The following COL22A1 variants were observed in gnomAD, a reference collection of about 807,000 sequenced individuals.
COL22A1 encodes the protein collagen type XXII alpha 1 chain.
In COL22A1, 221 loss-of-function variants were observed where a neutral mutation model predicts 248.9. The ratio of observed to expected loss-of-function variants is 0.89; its 90% CI spans 0.80 to 0.99. The LOEUF is 0.99. Ranked by LOEUF, COL22A1 falls within the 50% of genes least tolerant of loss-of-function variation. COL22A1 has a pLI of 0.00. For missense variants in COL22A1, 2,240 were observed against 2,179.0 expected (o/e 1.03, Z -0.56); for synonymous variants, 891 against 793.4 (o/e 1.12, Z -2.07).
chr8:138,591,633 C>G, intron 63 of COL22A1, 132 bp from the exon 64 acceptor site: 1 of 547,722 alleles, frequency 1.8e-6, no homozygotes. Flanking sequence ...ACCCTGAGCA[C>G]ACACACTCAT....
chr8:138,724,822 G>C, intron 24 of COL22A1, among the ~76,000 whole-genome samples, 154 bp from the exon 25 acceptor site: 1 of 152,264 alleles, frequency 6.6e-6, no homozygotes, highest in Admixed American at 6.5e-5. Context: ...GAAACGCGGA[G>C]TTGTTGCACC....
intron 29 of COL22A1, 100 bp from the exon 30 acceptor site, chr8:138,715,835 G>A (rs1167485890): frequency 1.2e-6 from 1 of 850,538 alleles, no homozygotes; most frequent in Non-Finnish European, 1.9e-6. Context: ...AAACATACAT[G>A]TATATATTTC....
intron 3 of COL22A1, among the ~76,000 whole-genome samples, chr8:138,867,714 G>A (rs140726191): frequency 2.8e-3 from 420 of 152,280 alleles, no homozygotes; most frequent in Non-Finnish European, 4.9e-3. Context: ...TTTTATGTGC[G>A]TGTTCCCTCT....
chr8:138,766,822 C>T (rs984239628), intron 16 of COL22A1, among the ~76,000 whole-genome samples: 2 of 152,220 alleles, frequency 1.3e-5, no homozygotes, highest in Non-Finnish European at 2.9e-5. Context: ...TGGGCCCATC[C>T]TGAGGCCACA....
intron 9 of COL22A1, among the ~76,000 whole-genome samples, chr8:138,809,770 G>A (rs1360857977): frequency 2.0e-5 from 3 of 151,716 alleles, no homozygotes; most frequent in African/African-American, 2.4e-5. Context: ...TGCCTGCCTC[G>A]GCCTCCCAAA....
intron 7 of COL22A1, among the ~76,000 whole-genome samples, chr8:138,817,443 G>A (rs1348536123): frequency 6.6e-6 from 1 of 152,190 alleles, no homozygotes; most frequent in Admixed American, 6.5e-5. Context: ...ACTGTCTCTG[G>A]TAGAGACGGA....
chr8:138,737,464 T>G, intron 23 of COL22A1, 60 bp downstream of exon 23: 2 of 1,219,834 alleles, frequency 1.6e-6, no homozygotes, highest in Non-Finnish European at 2.4e-6. Context: ...TGCTGCCTGG[T>G]CATTTATTTA....
chr8:138,805,508 GGTGT>G (rs1817478224), intron 10 of COL22A1, among the ~76,000 whole-genome samples: 1 of 128,352 alleles, frequency 7.8e-6, no homozygotes, highest in African/African-American at 3.6e-5. Context: ...TGTGTGTGAT[GGTGT>G]GTGTGTATAT....
rs1432967006 is a variant in COL22A1 at position 138,805,417 on chromosome 8, G to A, written c.1494+2351C>T. Among the ~76,000 whole-genome samples the A allele has an allele frequency of 2.7e-5, 4 of 145,620 alleles. No individual in the cohort carries two copies. The East Asian group carries it at 8.5e-4, about 31-fold the overall frequency. On this transcript the variant is annotated intron_variant, in intron 10 of 64. Coordinates refer to ENST00000303045, the MANE Select transcript of COL22A1 (RefSeq NM_152888.3). ...ATGGTATGTGTGATAGTGTGTAAAG[G>A]TTGTGTATGGTGGTGTGGGATGGTG...
intron 2 of COL22A1, among the ~76,000 whole-genome samples, chr8:138,880,877 A>G (rs1403906890): frequency 6.6e-6 from 1 of 152,230 alleles, no homozygotes; most frequent in Non-Finnish European, 1.5e-5. Context: ...TTTGAAGGCT[A>G]CAGAAGTTTC....
At chr8:138,676,970 T>G (rs951940264) in intron 40 of COL22A1, among the ~76,000 whole-genome samples, 6 of 152,246 alleles carry the variant, frequency 3.9e-5, no homozygotes, top group Non-Finnish European at 8.8e-5. Context: ...CATCAGACCC[T>G]CATCCTAACT....
At chr8:138,649,103 A>G (rs914723350) in intron 46 of COL22A1, among the ~76,000 whole-genome samples, 3 of 152,252 alleles carry the variant, frequency 2.0e-5, no homozygotes, top group African/African-American at 7.2e-5. Context: ...CCCAGCACCC[A>G]TGAAACTCCC....
chr8:138,827,128 C>A (rs755690937), intron 5 of COL22A1: 14 of 282,338 alleles, frequency 5.0e-5, no homozygotes, highest in Non-Finnish European at 9.1e-5. Context: ...CACCCAGCTT[C>A]GCTGCTCCCT....
At chr8:138,841,863 G>A (rs1820907942) in intron 4 of COL22A1, among the ~76,000 whole-genome samples, 1 of 152,340 alleles carries the variant, frequency 6.6e-6, no homozygotes, top group Admixed American at 6.5e-5. Context: ...ATGTCTGGGA[G>A]TGGCCAGTCC....
chr8:138,711,599 C>G lies in COL22A1; in HGVS notation c.2517+4083G>C, dbSNP rs1016216850. ...GCCTGAATGGCTTACTGAGGCAGAGCCTTTTCCACTCTGGGCTCTCTATTT... is the reference window on the plus strand; with the variant it reads ...GCCTGAATGGCTTACTGAGGCAGAGGCTTTTCCACTCTGGGCTCTCTATTT... On this transcript the variant is annotated intron_variant, in intron 30 of 64. Coordinates refer to ENST00000303045, the MANE Select transcript of COL22A1 (RefSeq NM_152888.3). 5.5e-4 allele frequency among the ~76,000 whole-genome samples: 84 copies of G among 152,190 alleles called. 2 individuals are homozygous for G. The highest frequency in any genetic ancestry group is 5.3e-3 in the Admixed American group (81 of 15,280).
At chr8:138,656,995 C>T (rs1823324912) in intron 44 of COL22A1, among the ~76,000 whole-genome samples, 1 of 152,144 alleles carries the variant, frequency 6.6e-6, no homozygotes, top group Admixed American at 6.5e-5. Flanking sequence ...ACAGGTAACA[C>T]GAGTTTGTTC....
At chr8:138,855,252 A>T (rs1180341181) in intron 3 of COL22A1, among the ~76,000 whole-genome samples, 1 of 152,234 alleles carries the variant, frequency 6.6e-6, no homozygotes, top group Non-Finnish European at 1.5e-5. Context: ...CAATTAACTG[A>T]ATCCTTCTAA....
chr8:138,628,948 G>A (rs138903314), intron 50 of COL22A1, among the ~76,000 whole-genome samples: 2 of 151,888 alleles, frequency 1.3e-5, no homozygotes, highest in Non-Finnish European at 2.9e-5. Flanking sequence ...TGTATTTTTA[G>A]TAGAGACAGC....
At chr8:138,742,095 T>C (rs559490623) in intron 22 of COL22A1, among the ~76,000 whole-genome samples, 1 of 151,638 alleles carries the variant, frequency 6.6e-6, no homozygotes, top group African/African-American at 2.4e-5. Flanking sequence ...GTGATGATAG[T>C]AGCCATGGTG....
Sources: gnomAD v4.1 joint callset for allele counts (sites outside exome capture counted in the v4.1 genomes callset) on GRCh38, gnomAD v4.1.1 for gene constraint, MANE v1.5 for transcripts, NCBI Gene and HGNC (gene_info 2026-07-23, HGNC 2026-07-21) for gene names.